The following ARPIN variants were observed in gnomAD, a reference collection of about 807,000 sequenced individuals.
ARPIN encodes UPF0552 protein C15orf38.
A neutral mutation model predicts 25.9 loss-of-function variants in ARPIN; 23 were observed. The ratio of observed to expected loss-of-function variants is 0.89; its 90% CI spans 0.64 to 1.26. The LOEUF is 1.26. Ranked by LOEUF, ARPIN falls within the 50% of genes most tolerant of loss-of-function variation. ARPIN has a pLI of 0.00. For missense variants in ARPIN, 333 were observed against 312.2 expected, an observed-to-expected ratio of 1.07 and a Z score of -0.50; for synonymous variants, 126 against 131.4, an observed-to-expected ratio of 0.96 and a Z score of 0.28.
At chr15:89,912,572 G>A in intron 1 of ARPIN, 172 bp downstream of exon 1, 1 of 1,347,986 alleles carries the variant, frequency 7.4e-7, no homozygotes, top group South Asian at 1.8e-5. Flanking sequence ...CTGGGCGGGC[G>A]CGGCGGCAGG....
chr15:89,908,485 G>C, intron 2 of ARPIN, 73 bp from the exon 3 acceptor site: 1 of 1,587,582 alleles, frequency 6.3e-7, no homozygotes, highest in Non-Finnish European at 8.6e-7. Context: ...TCCGGCTGCA[G>C]CCCCGCCAAC....
chr15:89,906,842 G>A (rs1302300811), intron 3 of ARPIN, among the ~76,000 whole-genome samples: 3 of 151,868 alleles, frequency 2.0e-5, no homozygotes, highest in East Asian at 3.9e-4. Flanking sequence ...AAATTCGTAC[G>A]TTAACAGGAG....
At chr15:89,908,931 C>T (rs184584656) in intron 2 of ARPIN, among the ~76,000 whole-genome samples, 16 of 152,138 alleles carry the variant, frequency 1.1e-4, no homozygotes, top group Non-Finnish European at 1.9e-4. Flanking sequence ...TGCTGTAAGC[C>T]GAGATCCTGC....
intron 3 of ARPIN, among the ~76,000 whole-genome samples, chr15:89,907,017 G>A (rs914067268): frequency 6.6e-6 from 1 of 151,654 alleles, no homozygotes; most frequent in East Asian, 1.9e-4. Context: ...CACTGATGGA[G>A]TATGGACATA....
chr15:89,912,462 G>A, intron 1 of ARPIN: 1 of 1,238,864 alleles, frequency 8.1e-7, no homozygotes, highest in East Asian at 3.6e-5. Context: ...TCGGCGTGAG[G>A]CGAAGCCCAG....
At chr15:89,912,663 T>TTGGGGGC in intron 1 of ARPIN, 81 bp downstream of exon 1, 19 of 870,978 alleles carry the variant, frequency 2.2e-5, no homozygotes, top group East Asian at 2.0e-4. Context: ...CCCACCCGCA[T>TTGGGGGC]CCCACCCCCC....
At chr15:89,906,459 T>C (rs1897121700) in intron 3 of ARPIN, among the ~76,000 whole-genome samples, 1 of 152,180 alleles carries the variant, frequency 6.6e-6, no homozygotes, top group South Asian at 2.1e-4. Flanking sequence ...TCTTTCAGGA[T>C]TCAGTCCTGT....
intron 3 of ARPIN, among the ~76,000 whole-genome samples, chr15:89,905,859 G>A (rs891747489): frequency 3.9e-5 from 6 of 151,980 alleles, no homozygotes; most frequent in Admixed American, 3.9e-4. Context: ...CTGCAGCCCA[G>A]TTCTCTCCCC....
chr15:89,905,052 C>T (rs1318059748), intron 3 of ARPIN, among the ~76,000 whole-genome samples: 4 of 148,268 alleles, frequency 2.7e-5, no homozygotes, highest in African/African-American at 1.0e-4. Flanking sequence ...GATGGAGTTT[C>T]GCTTTGTCAC....
At chr15:89,910,651 T>A in intron 2 of ARPIN, 93 bp downstream of exon 2, 1 of 1,514,138 alleles carries the variant, frequency 6.6e-7, no homozygotes, top group Non-Finnish European at 9.1e-7. Context: ...TCCCAACTCA[T>A]GGCACTGGAA....
At chr15:89,909,743 G>A (rs1344475204) in intron 2 of ARPIN, among the ~76,000 whole-genome samples, 1 of 152,194 alleles carries the variant, frequency 6.6e-6, no homozygotes, top group Non-Finnish European at 1.5e-5. Flanking sequence ...GCCCATCTCA[G>A]GTAAGCAGCC....
chr15:89,897,523 C>G lies in ARPIN; in HGVS notation c.*4272G>C, dbSNP rs1401029710. On this transcript the variant is annotated 3_prime_UTR_variant, in exon 6 of 6. Transcript: ENST00000357484. ...AAGAAAAATGGTTACAAAGACTATG[C>G]AGCAATATGGAAAGTGATTATGTGT... 6.6e-6 allele frequency: 1 copy of G among 152,064 alleles called. No homozygotes were observed. Among genetic ancestry groups the G allele is most frequent in the African/African-American group, 2.4e-5 (1 of 41,388 alleles). 9.4% of individuals were successfully genotyped at this position (152,064 alleles called of 1,614,324 possible). A position where few individuals can be genotyped will look rare whatever the true frequency, so the allele number is the denominator to read the frequency against.
Position 89,897,321 on chromosome 15 carries a change from C to A in ARPIN, c.*4474G>T, listed in dbSNP as rs1379156336. On this transcript the variant is annotated 3_prime_UTR_variant, in exon 6 of 6. Coordinates refer to ENST00000357484, the MANE Select transcript of ARPIN (RefSeq NM_182616.4). ...CTGACATGGTGAAACCCCGTCTCTA[C>A]TAAAAATACAAAAACTAGCCGGGCG... The A allele has an allele frequency of 1.3e-5, 2 of 151,912 alleles. No individual in the cohort carries two copies. Among genetic ancestry groups the A allele is most frequent in the Non-Finnish European group, 2.9e-5 (2 of 68,012 alleles). 9.4% of individuals were successfully genotyped at this position (151,912 alleles called of 1,614,324 possible).
chr15:89,898,121 A>G lies in ARPIN; in HGVS notation c.*3674T>C, dbSNP rs1896958872. 1 of 152,210 alleles carries G rather than the reference A, an allele frequency of 6.6e-6. No individual in the cohort carries two copies. Among genetic ancestry groups the G allele is most frequent in the Admixed American group, 6.5e-5 (1 of 15,280 alleles). The allele number at this position is 152,210 out of a possible 1,614,324, so 9.4% of individuals were successfully genotyped here. On this transcript the variant is annotated 3_prime_UTR_variant, in exon 6 of 6. Transcript: ENST00000357484. ...AGAGCGAAATTCCATCTCAAAAAAA[A>G]AAAAAAGAAAGAAAGAAAATTTCCC... is the stretch of plus-strand genomic sequence containing the variant.
intron 1 of ARPIN, 85 bp downstream of exon 1, chr15:89,912,659 C>CCCCTGGGGG: frequency 6.0e-6 from 7 of 1,161,478 alleles, no homozygotes; most frequent in East Asian, 5.8e-5. Context: ...TTCCCCCACC[C>CCCCTGGGGG]GCATCCCACC....
chr15:89,912,663 T>TTTGGG, intron 1 of ARPIN, 81 bp downstream of exon 1: 7 of 870,978 alleles, frequency 8.0e-6, no homozygotes, highest in Non-Finnish European at 8.4e-6. Context: ...CCCACCCGCA[T>TTTGGG]CCCACCCCCC....
In ARPIN at chr15:89,896,498, GATA is replaced by G. The variant is rs1400995710; in HGVS notation, c.*5294_*5296del. The G allele has an allele frequency of 6.6e-6, 1 of 152,164 alleles. No individual in the cohort carries two copies. The highest frequency in any genetic ancestry group is 1.9e-4 in the East Asian group (1 of 5,206). 9.4% of individuals were successfully genotyped at this position (152,164 alleles called of 1,614,324 possible). On this transcript the variant is annotated 3_prime_UTR_variant, in exon 6 of 6. Coordinates refer to ENST00000357484, the MANE Select transcript of ARPIN (RefSeq NM_182616.4). ...AAATAAGTAGTTAGGTATAAAACCAGATAATAACCTAAACAGAAGAAAGCGAAA... is the reference window on the plus strand; with the variant it reads ...AAATAAGTAGTTAGGTATAAAACCAGATAACCTAAACAGAAGAAAGCGAAA...
In ARPIN at chr15:89,896,634, G is replaced by A. The variant is rs141616621; in HGVS notation, c.*5161C>T. The A allele has an allele frequency of 2.9e-4, 44 of 152,106 alleles. No homozygotes were observed. The highest frequency in any genetic ancestry group is 2.3e-3 in the South Asian group (11 of 4,822). 9.4% of individuals were successfully genotyped at this position (152,106 alleles called of 1,614,324 possible). A position where few individuals can be genotyped will look rare whatever the true frequency, so the allele number is the denominator to read the frequency against. ...AAAAGAATTATTTAATGGAAAAATC[G>A]TTGTTAAAATATGGCAAATGGTTAT... On this transcript the variant is annotated 3_prime_UTR_variant, in exon 6 of 6. Coordinates refer to ENST00000357484, the MANE Select transcript of ARPIN (RefSeq NM_182616.4).
rs370605817 is a variant in ARPIN at position 89,908,369 on chromosome 15, C to T, written c.212G>A (p.Arg71His). The change falls in exon 3 of 6, where the codon CGC (arginine) becomes CAC (histidine). Residue 71 changes from arginine to histidine, a missense_variant. Coordinates refer to ENST00000357484, the MANE Select transcript of ARPIN (RefSeq NM_182616.4). Reference protein sequence around the residue: ...VLYIRPSHIHRRKFDAKGNEI... With the variant: ...VLYIRPSHIHHRKFDAKGNEI... ...ATTTCCCTTGGCGTCGAATTTACGG[C>T]GATGGATGTGACTGGGCCGGATATA... is the stretch of plus-strand genomic sequence containing the variant. 14 of 1,613,976 alleles carry T rather than the reference C, an allele frequency of 8.7e-6. No homozygotes were observed. Among genetic ancestry groups the T allele is most frequent in the African/African-American group, 6.7e-5 (5 of 74,868 alleles).
Sources: gnomAD v4.1 joint callset for allele counts (sites outside exome capture counted in the v4.1 genomes callset) on GRCh38, gnomAD v4.1.1 for gene constraint, MANE v1.5 for transcripts, NCBI Gene and HGNC (gene_info 2026-07-23, HGNC 2026-07-21) for gene names.